The following BCL2L11 variants were observed in gnomAD, a reference collection of about 807,000 sequenced individuals.
BCL2L11 encodes BCL2 like 11, also known as bcl-2-like protein 11.
A neutral mutation model predicts 20.6 loss-of-function variants in BCL2L11; 15 were observed. The ratio of observed to expected loss-of-function variants is 0.73; its 90% CI spans 0.49 to 1.12. The LOEUF is 1.12. BCL2L11 is among the 50% of genes most tolerant of loss of function. The pLI, the probability that BCL2L11 is intolerant of heterozygous loss-of-function variation, is 0.00. For missense variants in BCL2L11, 292 were observed against 260.9 expected (o/e 1.12, Z -0.82); for synonymous variants, 108 against 92.8 (o/e 1.16, Z -0.94).
chr2:111,128,229 C>T (rs542916775), intron 2 of BCL2L11, among the ~76,000 whole-genome samples: 85 of 152,178 alleles, frequency 5.6e-4, no homozygotes, highest in South Asian at 1.9e-3. Flanking sequence ...TTTCACTTAG[C>T]GTAATGTCGT....
intron 3 of BCL2L11, among the ~76,000 whole-genome samples, chr2:111,150,957 T>G (rs1175832132): frequency 6.6e-6 from 1 of 152,174 alleles, no homozygotes; most frequent in Non-Finnish European, 1.5e-5. Context: ...CAGGCTGAAG[T>G]GCAGTGGCGC....
At chr2:111,150,793 T>A (rs899724929) in intron 3 of BCL2L11, among the ~76,000 whole-genome samples, 4 of 152,278 alleles carry the variant, frequency 2.6e-5, no homozygotes, top group Admixed American at 6.5e-5. Flanking sequence ...CTATGTCATC[T>A]TCTGTAGTTA....
chr2:111,150,196 A>G, intron 3 of BCL2L11, 49 bp downstream of exon 3: 1 of 1,588,982 alleles, frequency 6.3e-7, no homozygotes, highest in Admixed American at 1.8e-5. Context: ...CTCCCCTTCC[A>G]CACTATATTT....
intron 2 of BCL2L11, among the ~76,000 whole-genome samples, chr2:111,137,923 A>G (rs2075183512): frequency 6.6e-6 from 1 of 152,072 alleles, no homozygotes; most frequent in Non-Finnish European, 1.5e-5. Flanking sequence ...TATCAAAAAT[A>G]TAAGAATACA....
chr2:111,149,314 A>C (rs982472890), intron 2 of BCL2L11, among the ~76,000 whole-genome samples: 4 of 152,222 alleles, frequency 2.6e-5, no homozygotes, highest in Non-Finnish European at 4.4e-5. Flanking sequence ...TGACAGCTTA[A>C]TGAAAGGGCA....
intron 1 of BCL2L11, chr2:111,123,395 G>T: frequency 1.0e-6 from 1 of 985,482 alleles, no homozygotes; most frequent in Non-Finnish European, 1.2e-6. Flanking sequence ...GCCGCTGGGA[G>T]TTTCTGACTT....
chr2:111,162,454 G>A (rs1181837777), intron 3 of BCL2L11, among the ~76,000 whole-genome samples: 2 of 152,184 alleles, frequency 1.3e-5, no homozygotes, highest in Non-Finnish European at 2.9e-5. Flanking sequence ...TGAGATGAAA[G>A]TGGAACTCTA....
chr2:111,141,463 A>G (rs532011069), intron 2 of BCL2L11, among the ~76,000 whole-genome samples: 268 of 143,074 alleles, frequency 1.9e-3, no homozygotes, highest in African/African-American at 6.2e-3. Flanking sequence ...GAATTGAACA[A>G]TGAGATCACA....
At chr2:111,138,765 G>A (rs944125476) in intron 2 of BCL2L11, among the ~76,000 whole-genome samples, 3 of 152,174 alleles carry the variant, frequency 2.0e-5, no homozygotes, top group African/African-American at 7.2e-5. Context: ...GCAGGTTTTG[G>A]GTCGGGTCCT....
rs2078936270 is a variant in BCL2L11 at position 111,164,608 on chromosome 2, T to G, written c.*377T>G. The G allele has an allele frequency of 6.1e-6, 1 of 164,162 alleles. No homozygotes were observed. The highest frequency in any genetic ancestry group is 2.4e-5 in the African/African-American group (1 of 41,882). 10.2% of individuals were successfully genotyped at this position (164,162 alleles called of 1,614,324 possible). ...TTTTTAACCAATTTGTGAATAACTT[T>G]TGTATTAAAATTTTAAGAACCTACG... On this transcript the variant is annotated 3_prime_UTR_variant, in exon 4 of 4. Transcript: ENST00000393256.
chr2:111,121,849 T>C (rs938737541), intron 1 of BCL2L11, among the ~76,000 whole-genome samples: 1 of 152,158 alleles, frequency 6.6e-6, no homozygotes, highest in Non-Finnish European at 1.5e-5. Flanking sequence ...ATCTAGGTCC[T>C]CCCCTGACCA....
At chr2:111,128,940 GC>G in intron 2 of BCL2L11, 1 of 997,102 alleles carries the variant, frequency 1.0e-6, no homozygotes, top group Non-Finnish European at 1.4e-6. Context: ...AAACAGGCTG[GC>G]CTCACAGAGG....
In BCL2L11 at chr2:111,150,027, G is replaced by A. The variant is rs753647947; in HGVS notation, c.395-17G>A. On this transcript the variant is annotated splice_polypyrimidine_tract_variant and intron_variant, in intron 2 of 3. Coordinates refer to ENST00000393256, the MANE Select transcript of BCL2L11 (RefSeq NM_138621.5). ...TGGACCACAATGTGATTTTTGTTTTGTTTTGTTCTGATGCAGCTTCCATGA... is the reference window on the plus strand; with the variant it reads ...TGGACCACAATGTGATTTTTGTTTTATTTTGTTCTGATGCAGCTTCCATGA... The A allele has an allele frequency of 1.7e-5, 27 of 1,609,308 alleles. No homozygotes were observed. Among genetic ancestry groups the A allele is most frequent in the Non-Finnish European group, 2.3e-5 (27 of 1,177,220 alleles).
At chr2:111,130,400 G>A (rs2073705307) in intron 2 of BCL2L11, among the ~76,000 whole-genome samples, 1 of 152,196 alleles carries the variant, frequency 6.6e-6, no homozygotes, top group African/African-American at 2.4e-5. Flanking sequence ...CACCACACCT[G>A]GCCCTACTTT....
intron 1 of BCL2L11, chr2:111,123,475 C>T (rs2071705562): frequency 3.0e-6 from 3 of 985,460 alleles, no homozygotes; most frequent in Non-Finnish European, 3.6e-6. Flanking sequence ...TCTCTGGAAA[C>T]GCATGTGTGT....
chr2:111,153,268 A>G (rs1475427499), intron 3 of BCL2L11, among the ~76,000 whole-genome samples: 1 of 151,766 alleles, frequency 6.6e-6, no homozygotes, highest in Non-Finnish European at 1.5e-5. Context: ...AATCCCAGCT[A>G]CTCGGGAGGC....
chr2:111,166,431 G>A lies in BCL2L11; in HGVS notation c.*2200G>A, dbSNP rs532677227. On this transcript the variant is annotated 3_prime_UTR_variant, in exon 4 of 4. Transcript: ENST00000393256. The stretch of plus-strand genomic sequence containing the variant: ...ATTAGAGATTCTATGAATTGTAGGA[G>A]TATTAAAGACCAGGCTGTTGGCACC... The A allele has an allele frequency of 1.3e-5, 2 of 152,826 alleles. No individual in the cohort carries two copies. The highest frequency in any genetic ancestry group is 1.3e-4 in the Admixed American group (2 of 15,308). The allele number at this position is 152,826 out of a possible 1,614,324, so 9.5% of individuals were successfully genotyped here.
chr2:111,131,070 G>A (rs2073853388), intron 2 of BCL2L11, among the ~76,000 whole-genome samples: 1 of 152,062 alleles, frequency 6.6e-6, no homozygotes, highest in Non-Finnish European at 1.5e-5. Flanking sequence ...CTTCTTTTAA[G>A]ACTGGTTTTT....
chr2:111,142,331 C>G, intron 2 of BCL2L11: 1 of 1,550,516 alleles, frequency 6.4e-7, no homozygotes, highest in Non-Finnish European at 8.7e-7. Flanking sequence ...GCTGGATCCT[C>G]CCTCAGAATT....
Sources: gnomAD v4.1 joint callset for allele counts (sites outside exome capture counted in the v4.1 genomes callset) on GRCh38, gnomAD v4.1.1 for gene constraint, MANE v1.5 for transcripts, NCBI Gene and HGNC (gene_info 2026-07-23, HGNC 2026-07-21) for gene names.